Variants in NRXN3 observed in about 807,000 individuals in gnomAD.
NRXN3 encodes the protein neurexin III.
In NRXN3, 32 loss-of-function variants were observed where a neutral mutation model predicts 137.6. That is an observed-to-expected ratio of 0.23 (90% CI 0.18 to 0.31). The LOEUF (loss-of-function observed/expected upper bound fraction) is 0.31. Ranked by LOEUF, NRXN3 falls within the 10% of genes least tolerant of loss-of-function variation. NRXN3 has a pLI of 1.00. For synonymous variants in NRXN3, 798 were observed against 784.5 expected, an observed-to-expected ratio of 1.02 and a Z score of -0.29; for missense variants, 1,574 against 2,062.5, an observed-to-expected ratio of 0.76 and a Z score of 4.59.
chr14:79,809,857 G>A (rs1268111935), intron 20 of NRXN3, among the ~76,000 whole-genome samples: 8 of 152,104 alleles, frequency 5.3e-5, no homozygotes, highest in East Asian at 3.8e-4. Flanking sequence ...CGGATGAGCT[G>A]GAGAGCATTC....
intron 15 of NRXN3, among the ~76,000 whole-genome samples, chr14:79,226,923 C>T (rs1476101148): frequency 6.8e-6 from 1 of 147,052 alleles, no homozygotes; most frequent in Non-Finnish European, 1.5e-5. Context: ...TCAAGCAATT[C>T]TCCTTTCTCA....
At chr14:78,734,598 C>G (rs2098533249) in intron 8 of NRXN3, among the ~76,000 whole-genome samples, 2 of 152,110 alleles carry the variant, frequency 1.3e-5, no homozygotes, top group South Asian at 4.1e-4. Context: ...CAATTTCAAA[C>G]TTTTGAACTT....
chr14:78,713,522 A>G (rs962788305), intron 7 of NRXN3, among the ~76,000 whole-genome samples: 17 of 152,196 alleles, frequency 1.1e-4, no homozygotes. Context: ...TACTCTCTTC[A>G]TAGCAACTGC....
At chr14:78,669,628 C>T (rs886179646) in intron 6 of NRXN3, among the ~76,000 whole-genome samples, 3 of 152,074 alleles carry the variant, frequency 2.0e-5, no homozygotes, top group South Asian at 2.1e-4. Context: ...TAGTGACACA[C>T]GGGTCTCTTC....
Position 78,535,456 on chromosome 14 carries a change from C to A in NRXN3, c.758-109664C>A, listed in dbSNP as rs74345046. Among the ~76,000 whole-genome samples the A allele has an allele frequency of 8.5e-3, 1,287 of 152,250 alleles. 15 individuals are homozygous for A. Among genetic ancestry groups the A allele is most frequent in the African/African-American group, 0.029 (1,207 of 41,538 alleles). The stretch of plus-strand genomic sequence containing the variant: ...GTGTTAGAAAGACCTAATTTCTGGT[C>A]CTGACTTTGCCACTTTACTAATTTG... On this transcript the variant is annotated intron_variant, in intron 4 of 20. Coordinates refer to ENST00000335750, the MANE Select transcript of NRXN3 (RefSeq NM_001330195.2).
intron 2 of NRXN3, among the ~76,000 whole-genome samples, chr14:78,249,235 G>A (rs146891795): frequency 3.3e-5 from 5 of 152,344 alleles, no homozygotes; most frequent in Non-Finnish European, 7.3e-5. Flanking sequence ...TGCAAAGAGG[G>A]TGGGCAGTGG....
chr14:79,702,347 ACATGAGCTAT>A, intron 19 of NRXN3, among the ~76,000 whole-genome samples: 1 of 152,186 alleles, frequency 6.6e-6, no homozygotes, highest in Non-Finnish European at 1.5e-5. Flanking sequence ...AGAGGGTTTG[ACATGAGCTAT>A]CCATATGAAG....
chr14:79,392,737 C>T (rs1393135783), intron 15 of NRXN3, among the ~76,000 whole-genome samples: 3 of 151,756 alleles, frequency 2.0e-5, no homozygotes, highest in Admixed American at 6.6e-5. Context: ...TTTGGGAGGC[C>T]GAGGCAGGCA....
rs113514528 is a variant in NRXN3, at chr14:78,207,159, C to T, written c.-703-35232C>T. Among the ~76,000 whole-genome samples, 127 of 152,266 alleles carry T rather than the reference C, an allele frequency of 8.3e-4. 2 individuals are homozygous for T. Among genetic ancestry groups the T allele is most frequent in the African/African-American group, 2.6e-3 (109 of 41,550 alleles). On this transcript the variant is annotated intron_variant, in intron 1 of 20. Transcript: ENST00000335750. ...GATTACAGGTGTGAACCACCGCGCC[C>T]GGCCTCCCCACATTGGACTTTCTAA...
At chr14:78,570,882 C>A (rs1162701429) in intron 4 of NRXN3, among the ~76,000 whole-genome samples, 1 of 152,156 alleles carries the variant, frequency 6.6e-6, no homozygotes, top group South Asian at 2.1e-4. Flanking sequence ...TGACTGAGGC[C>A]CCCAAAGTCT....
intron 16 of NRXN3, chr14:79,632,503 G>C (rs1250178793): frequency 6.8e-6 from 1 of 147,744 alleles, no homozygotes; most frequent in Non-Finnish European, 1.5e-5. Flanking sequence ...AGAGTACCCA[G>C]AGCAGAATGA....
At chr14:78,437,419 G>GC (rs1463618620) in intron 4 of NRXN3, among the ~76,000 whole-genome samples, 1 of 151,434 alleles carries the variant, frequency 6.6e-6, no homozygotes, top group African/African-American at 2.4e-5. Context: ...CATGATCTCA[G>GC]CTCACTGCAA....
At chr14:79,716,028 A>T in intron 19 of NRXN3, among the ~76,000 whole-genome samples, 1 of 152,228 alleles carries the variant, frequency 6.6e-6, no homozygotes, top group East Asian at 1.9e-4. Flanking sequence ...TGGGCTAAAG[A>T]TAGGTCATTC....
rs117580733 is a variant in NRXN3, at chr14:78,521,826, G to A, written c.758-123294G>A. On this transcript the variant is annotated intron_variant, in intron 4 of 20. Transcript: ENST00000335750. ...CCCCATGGAATATATGTTTTTGGGG[G>A]TTAACAAAAGGAAACTTGGGAACCA... Among the ~76,000 whole-genome samples, 621 of 152,140 alleles carry A rather than the reference G, an allele frequency of 4.1e-3. 7 individuals are homozygous for A. The highest frequency in any genetic ancestry group is 0.04 in the East Asian group (208 of 5,184).
chr14:79,302,707 G>C (rs1047131499), intron 15 of NRXN3, among the ~76,000 whole-genome samples: 1 of 151,902 alleles, frequency 6.6e-6, no homozygotes, highest in African/African-American at 2.4e-5. Context: ...TTGTTTAAAA[G>C]TGTGACCCTT....
At chr14:79,396,837 C>T (rs2095040299) in intron 15 of NRXN3, among the ~76,000 whole-genome samples, 1 of 152,120 alleles carries the variant, frequency 6.6e-6, no homozygotes, top group African/African-American at 2.4e-5. Context: ...TCTGACCTTG[C>T]AGAGGAAATC....
chr14:78,455,044 T>A (rs534175613), intron 4 of NRXN3, among the ~76,000 whole-genome samples: 37 of 152,318 alleles, frequency 2.4e-4, no homozygotes, highest in African/African-American at 7.9e-4. Context: ...ATCTTGCACT[T>A]TTTCTCTTTG....
At chr14:79,676,468 A>G (rs144352767) in intron 17 of NRXN3, among the ~76,000 whole-genome samples, 423 of 151,018 alleles carry the variant, frequency 2.8e-3, no homozygotes, top group African/African-American at 9.8e-3. Context: ...TTCTGTGCAA[A>G]GTTATAAGGG....
In NRXN3 at chr14:78,297,846, T is replaced by C. The variant is rs1245268718; in HGVS notation, c.743T>C (p.Met248Thr). ...VSQDPGLSHLMMSEQAREENV... is the reference protein window; with the variant it reads ...VSQDPGLSHLTMSEQAREENV... ...TCTTCCTCAGGCCTCTCCCACCTCA[T>C]GATGAGTGAACAAGGTAGGTGCTTT... is the stretch of plus-strand genomic sequence containing the variant. The change falls in exon 4 of 21, where the codon ATG becomes ACG. Residue 248 changes from methionine to threonine, a missense_variant. By Grantham distance (81) the Met-to-Thr change is moderately conservative. Around this residue, in one of 5 missense-constraint regions of NRXN3, gnomAD observed 400 missense variants for 527.3 expected, o/e 0.76. Coordinates refer to ENST00000335750, the MANE Select transcript of NRXN3 (RefSeq NM_001330195.2). 1 of 1,536,360 alleles carries C rather than the reference T, an allele frequency of 6.5e-7. No homozygotes were observed. The highest frequency in any genetic ancestry group is 8.7e-7 in the Non-Finnish European group (1 of 1,146,832).
Sources: allele counts gnomAD v4.1 joint callset (sites outside exome capture counted in the v4.1 genomes callset), GRCh38; gene constraint gnomAD v4.1.1; regional missense constraint gnomAD v4.1.1; transcripts MANE v1.5; gene names NCBI Gene and HGNC (gene_info 2026-07-23, HGNC 2026-07-21).